Variants in SYNDIG1 observed in about 807,000 individuals in gnomAD.
SYNDIG1 encodes synapse differentiation-inducing gene protein 1.
In SYNDIG1, 9 loss-of-function variants were observed where a neutral mutation model predicts 19.4. The observed-to-expected ratio is 0.46, with a 90% CI of 0.28 to 0.81. SYNDIG1 has a LOEUF of 0.81. SYNDIG1 is among the 30% of genes least tolerant of loss of function. The pLI, the probability that SYNDIG1 is intolerant of heterozygous loss-of-function variation, is 0.12. For missense variants in SYNDIG1, 311 were observed against 343.3 expected, an observed-to-expected ratio of 0.91 and a Z score of 0.74; for synonymous variants, 141 against 145.9, an observed-to-expected ratio of 0.97 and a Z score of 0.24.
intron 3 of SYNDIG1, among the ~76,000 whole-genome samples, chr20:24,629,148 C>T (rs2147281936): frequency 6.6e-6 from 1 of 152,350 alleles, no homozygotes; most frequent in Non-Finnish European, 1.5e-5. Context: ...GCCAGAAAGG[C>T]CGGCTCTGGC....
intron 2 of SYNDIG1, among the ~76,000 whole-genome samples, chr20:24,577,400 C>T (rs111593864): frequency 0.031 from 4,674 of 152,330 alleles, 96 homozygotes; most frequent in Middle Eastern, 0.044. Flanking sequence ...CTGGGGCTTG[C>T]CCCGATGGTG....
At chr20:24,472,732 G>A (rs879724618) in intron 1 of SYNDIG1, among the ~76,000 whole-genome samples, 5 of 152,192 alleles carry the variant, frequency 3.3e-5, no homozygotes, top group Non-Finnish European at 5.9e-5. Context: ...GGCACTGGAG[G>A]CAGTGGGAGG....
intron 1 of SYNDIG1, among the ~76,000 whole-genome samples, chr20:24,522,793 G>A (rs1311021832): frequency 1.3e-5 from 2 of 152,180 alleles, no homozygotes; most frequent in East Asian, 3.9e-4. Context: ...GAAGCTTCAG[G>A]AAGCTTTTAA....
chr20:24,593,268 G>T (rs2058541384), intron 3 of SYNDIG1, among the ~76,000 whole-genome samples: 1 of 152,040 alleles, frequency 6.6e-6, no homozygotes, highest in Admixed American at 6.5e-5. Context: ...CAATGTTTAG[G>T]TTCCACTTGT....
At chr20:24,572,388 C>T (rs1255870261) in intron 2 of SYNDIG1, among the ~76,000 whole-genome samples, 1 of 152,230 alleles carries the variant, frequency 6.6e-6, no homozygotes, top group Non-Finnish European at 1.5e-5. Context: ...ATCACCTGAA[C>T]TCAGGGTTCT....
chr20:24,519,513 G>A (rs1226280756), intron 1 of SYNDIG1, among the ~76,000 whole-genome samples: 1 of 152,158 alleles, frequency 6.6e-6, no homozygotes, highest in Non-Finnish European at 1.5e-5. Context: ...TGAATGATGA[G>A]CTGGCCATGT....
intron 3 of SYNDIG1, among the ~76,000 whole-genome samples, chr20:24,613,877 G>A (rs563352833): frequency 6.1e-4 from 93 of 152,360 alleles, no homozygotes; most frequent in African/African-American, 2.1e-3. Flanking sequence ...GGCTTTGCGG[G>A]GAAGCGTGAA....
chr20:24,560,199 G>A (rs1245492578), intron 2 of SYNDIG1, among the ~76,000 whole-genome samples: 1 of 150,070 alleles, frequency 6.7e-6, no homozygotes, highest in East Asian at 2.0e-4. Context: ...CTCCTGAGTA[G>A]CTGGGATTAC....
intron 1 of SYNDIG1, among the ~76,000 whole-genome samples, chr20:24,472,542 G>A (rs1600363606): frequency 6.6e-6 from 1 of 152,314 alleles, no homozygotes; most frequent in East Asian, 1.9e-4. Context: ...TTCTATCTGA[G>A]GCACTAGTCG....
intron 1 of SYNDIG1, among the ~76,000 whole-genome samples, chr20:24,477,790 T>C (rs925991819): frequency 2.6e-5 from 4 of 152,148 alleles, no homozygotes; most frequent in Non-Finnish European, 4.4e-5. Flanking sequence ...ATATTTGCCC[T>C]TCAGGGGAGA....
At chr20:24,555,880 G>C (rs1364397470) in intron 2 of SYNDIG1, among the ~76,000 whole-genome samples, 3 of 152,084 alleles carry the variant, frequency 2.0e-5, no homozygotes, top group African/African-American at 7.2e-5. Context: ...CTGTCTCGTT[G>C]ATCTGTCTAA....
intron 3 of SYNDIG1, among the ~76,000 whole-genome samples, chr20:24,588,952 C>G (rs1164696678): frequency 1.0e-5 from 1 of 95,402 alleles, no homozygotes; most frequent in South Asian, 3.9e-4. Context: ...TGGCTTGTCC[C>G]TGAGCTGTGG....
At chr20:24,482,159 A>G (rs1427220338) in intron 1 of SYNDIG1, among the ~76,000 whole-genome samples, 2 of 152,190 alleles carry the variant, frequency 1.3e-5, no homozygotes, top group African/African-American at 2.4e-5. Flanking sequence ...AAAGAAATAC[A>G]TGGAAAAACA....
intron 1 of SYNDIG1, among the ~76,000 whole-genome samples, chr20:24,537,987 C>G (rs999563647): frequency 6.6e-6 from 1 of 152,150 alleles, no homozygotes; most frequent in Non-Finnish European, 1.5e-5. Flanking sequence ...TGATTTTAAA[C>G]AAGTCCCAGA....
intron 1 of SYNDIG1, among the ~76,000 whole-genome samples, chr20:24,513,136 C>G (rs6106896): frequency 6.6e-6 from 1 of 152,144 alleles, no homozygotes; most frequent in South Asian, 2.1e-4. Context: ...ATATCACCAT[C>G]ATCAAAGAAC....
chr20:24,604,181 G>A (rs932872448), intron 3 of SYNDIG1, among the ~76,000 whole-genome samples: 2 of 151,948 alleles, frequency 1.3e-5, no homozygotes, highest in African/African-American at 4.8e-5. Flanking sequence ...GGAGCTCCAC[G>A]GATTCCACAC....
intron 1 of SYNDIG1, among the ~76,000 whole-genome samples, chr20:24,470,431 G>A (rs1458509216): frequency 6.6e-6 from 1 of 152,236 alleles, no homozygotes. Flanking sequence ...TTCAAAAGCT[G>A]TCTGGCCCCT....
chr20:24,476,396 G>A (rs903598921), intron 1 of SYNDIG1, among the ~76,000 whole-genome samples: 40 of 152,020 alleles, frequency 2.6e-4, no homozygotes, highest in African/African-American at 9.2e-4. Context: ...GGCCGGGCGC[G>A]GTGGCTTACG....
In SYNDIG1 at chr20:24,650,841, CTTTT is replaced by C. The variant is rs913539140; in HGVS notation, c.619-14496_619-14493del. ...AATGACTCTTATTTCTTGTTTCTTT[CTTTT>C]TTTTTTTTGAGACAGAGCCTCACTC... On this transcript the variant is annotated intron_variant, in intron 3 of 3. Transcript: ENST00000376862. Among the ~76,000 whole-genome samples the C allele has an allele frequency of 2.8e-3, 62 of 21,948 alleles. No homozygotes were observed. In the African/African-American group the frequency reaches 0.038, roughly 14 times the overall value. The allele number at this position is 21,948 out of a possible 152,430, so 14.4% of individuals were successfully genotyped here.
Sources: allele counts gnomAD v4.1 joint callset (sites outside exome capture counted in the v4.1 genomes callset), GRCh38; gene constraint gnomAD v4.1.1; transcripts MANE v1.5; gene names NCBI Gene and HGNC (gene_info 2026-07-23, HGNC 2026-07-21).